TP53BP1: variants seen among roughly 807,000 people sequenced by gnomAD.
The protein encoded by TP53BP1 is TP53-binding protein 1.
In TP53BP1, 61 loss-of-function variants were observed where a neutral mutation model predicts 200.8. The observed-to-expected ratio is 0.30, with a 90% CI of 0.25 to 0.38. The LOEUF is 0.38. Among genes scored for constraint, TP53BP1 ranks in the 10% least tolerant of loss-of-function variants. TP53BP1 has a pLI of 1.00. For missense variants in TP53BP1, 2,144 were observed against 2,371.9 expected, an observed-to-expected ratio of 0.90 and a Z score of 2.00; for synonymous variants, 822 against 844.3, an observed-to-expected ratio of 0.97 and a Z score of 0.46.
intron 4 of TP53BP1, among the ~76,000 whole-genome samples, chr15:43,484,634 C>T (rs749234705): frequency 6.6e-6 from 1 of 152,328 alleles, no homozygotes; most frequent in Non-Finnish European, 1.5e-5. Context: ...CCACACTAAC[C>T]TCCCTGCTAT....
In TP53BP1 at chr15:43,456,456, A is replaced by G. The variant is rs1331604488; in HGVS notation, c.2152T>C (p.Ser718Pro). 7.6e-6 allele frequency: 12 copies of G among 1,568,720 alleles called. No individual in the cohort carries two copies. Among genetic ancestry groups the G allele is most frequent in the South Asian group, 1.2e-5 (1 of 81,332 alleles). The part of the protein sequence containing the change: ...LQKEMPKKEC[S>P]EAMEVETSVI... The stretch of plus-strand genomic sequence containing the variant: ...CTGGTTTCAACTTCCATAGCTTCTG[A>G]GCATTCTTTTTTTGGCATTTCCTTT... Residue 718 changes from serine (S) to proline (P), a missense_variant, in exon 12 of 28, where the codon TCA (serine) becomes CCA (proline). Physicochemically the swap from Ser to Pro is moderately conservative, Grantham distance 74. Coordinates refer to ENST00000382044, the MANE Select transcript of TP53BP1 (RefSeq NM_001141980.3).
intron 9 of TP53BP1, among the ~76,000 whole-genome samples, chr15:43,475,214 C>T (rs746913878): frequency 2.0e-5 from 3 of 152,130 alleles, no homozygotes; most frequent in Non-Finnish European, 4.4e-5. Flanking sequence ...ATAAAGAAAT[C>T]CAACTACTGT....
rs1222651230 is a variant in TP53BP1 at position 43,409,744 on chromosome 15, A to G, written c.5306-3T>C. The G allele has an allele frequency of 6.9e-6, 10 of 1,452,198 alleles. No homozygotes were observed. Among genetic ancestry groups the G allele is most frequent in the Non-Finnish European group, 9.3e-6 (10 of 1,071,208 alleles). 90.0% of individuals were successfully genotyped at this position (1,452,198 alleles called of 1,614,324 possible). On this transcript the variant is annotated splice_polypyrimidine_tract_variant and splice_region_variant and intron_variant, in intron 24 of 27. Coordinates refer to ENST00000382044, the MANE Select transcript of TP53BP1 (RefSeq NM_001141980.3). ...GAAAGGAGGAATTTCCAAAAATTCT[A>G]TATTAAAAAAAAAAACCAAGATAAT...
chr15:43,435,267 CAA>C (rs377275791), intron 16 of TP53BP1, among the ~76,000 whole-genome samples: 4 of 55,692 alleles, frequency 7.2e-5, no homozygotes, highest in African/African-American at 1.7e-4. Context: ...GACCCCATCT[CAA>C]AAAAAAAAAA....
chr15:43,408,910 T>G lies in TP53BP1; in HGVS notation c.5587A>C (p.Arg1863=). 6.2e-7 allele frequency: 1 copy of G among 1,614,186 alleles called. No homozygotes were observed. ...TCAAATACTTACCAGTCCAGAATTC[T>G]TTGCTCCTCAAGGCTGTACCCAGCT... ...LPAGYSLEEQ[R]ILDWQPRENP... Residue 1863 remains arginine (R), a synonymous_variant, in exon 26 of 28, where the codon AGA becomes CGA. Coordinates refer to ENST00000382044, the MANE Select transcript of TP53BP1 (RefSeq NM_001141980.3).
intron 11 of TP53BP1, 107 bp downstream of exon 11, chr15:43,469,751 A>G (rs1377662698): frequency 1.0e-6 from 1 of 980,950 alleles, no homozygotes; most frequent in African/African-American, 1.6e-5. Context: ...AAATATCACA[A>G]AATTATACAT....
At position 43,481,124 on chromosome 15, in the gene TP53BP1, C is replaced by A. The variant is rs905561592; in HGVS notation, c.372-102G>T. On this transcript the variant is annotated intron_variant, in intron 4 of 27. Coordinates refer to ENST00000382044, the MANE Select transcript of TP53BP1 (RefSeq NM_001141980.3). ...ACATACCAACCATCTCTTAGCCAAA[C>A]TTGAAAAAGTAAAATACCTCACCTT... 2.2e-6 allele frequency: 3 copies of A among 1,388,872 alleles called. No homozygotes were observed. In the African/African-American group the frequency reaches 4.3e-5, roughly 20 times the overall value. 86.0% of individuals were successfully genotyped at this position (1,388,872 alleles called of 1,614,324 possible). A position where few individuals can be genotyped will look rare whatever the true frequency, so the allele number is the denominator to read the frequency against.
intron 10 of TP53BP1, among the ~76,000 whole-genome samples, chr15:43,473,406 C>T (rs547052691): frequency 5.3e-5 from 8 of 152,214 alleles, no homozygotes; most frequent in South Asian, 2.1e-4. Context: ...AGGTTCTCCA[C>T]GTCCCCACCA....
At chr15:43,467,707 T>G (rs764821421) in intron 11 of TP53BP1, among the ~76,000 whole-genome samples, 2 of 152,102 alleles carry the variant, frequency 1.3e-5, no homozygotes, top group Non-Finnish European at 2.9e-5. Context: ...CTGATAAACA[T>G]CTGTAACCAT....
intron 16 of TP53BP1, among the ~76,000 whole-genome samples, chr15:43,435,491 T>C (rs190562430): frequency 6.6e-6 from 1 of 152,134 alleles, no homozygotes; most frequent in African/African-American, 2.4e-5. Flanking sequence ...AGCAAGGCAA[T>C]ACAATGACAT....
chr15:43,505,606 C>T (rs1199780641), intron 1 of TP53BP1, among the ~76,000 whole-genome samples: 3 of 152,068 alleles, frequency 2.0e-5, no homozygotes, highest in African/African-American at 7.2e-5. Flanking sequence ...GAAGGTAAAC[C>T]CAGTCCCATT....
chr15:43,407,414 G>T lies in TP53BP1; in HGVS notation c.5903C>A (p.Pro1968Gln), dbSNP rs2044941485. Residue 1968 changes from proline to glutamine, a missense_variant, in exon 28 of 28, where the codon CCA becomes CAA. This residue lies in a region of TP53BP1 where 334 missense variants were observed against 453.4 expected (regional missense o/e 0.74). Coordinates refer to ENST00000382044, the MANE Select transcript of TP53BP1 (RefSeq NM_001141980.3). ...AGAAACATAATCGTGTTTATATTTT[G>T]GATGCTGCTTGAATCCAATTCTCTC... Reference protein sequence around the residue: ...VGERIGFKQHPKYKHDYVSH With the variant: ...VGERIGFKQHQKYKHDYVSH The T allele has an allele frequency of 6.2e-7, 1 of 1,614,024 alleles. No individual in the cohort carries two copies.
At chr15:43,492,982 C>G in intron 1 of TP53BP1, 55 bp downstream of exon 1, 3 of 1,602,558 alleles carry the variant, frequency 1.9e-6, no homozygotes, top group South Asian at 2.2e-5. Flanking sequence ...TCCCTTCAGA[C>G]CCGAAATCCA....
chr15:43,496,767 G>T (rs1044826551), upstream of TP53BP1, among the ~76,000 whole-genome samples: 1 of 151,950 alleles, frequency 6.6e-6, no homozygotes, highest in African/African-American at 2.4e-5. Flanking sequence ...AGGATTACAG[G>T]CATGTGCAAC....
chr15:43,429,754 C>A (rs1453628339), intron 17 of TP53BP1, among the ~76,000 whole-genome samples: 2 of 152,212 alleles, frequency 1.3e-5, no homozygotes, highest in Non-Finnish European at 2.9e-5. Context: ...TACTTCTACA[C>A]AGACACAACT....
rs149165101 is a variant in TP53BP1, at chr15:43,484,749, G to GTT, written c.372-3729_372-3728dup. On this transcript the variant is annotated intron_variant, in intron 4 of 27. Transcript: ENST00000382044. ...GATAACAGCAAATACACACTTACTT[G>GTT]TTTTTTGTTTTTTTTTTTTAAGATA... 4.1e-3 allele frequency among the ~76,000 whole-genome samples: 545 copies of GTT among 131,606 alleles called. 3 individuals carry two copies. The highest frequency in any genetic ancestry group is 0.021 in the African/African-American group (524 of 25,278). 86.3% of individuals were successfully genotyped at this position (131,606 alleles called of 152,430 possible).
At position 43,419,718 on chromosome 15, in the gene TP53BP1, C is replaced by T. The variant is rs142451074; in HGVS notation, c.4681+587G>A. The stretch of plus-strand genomic sequence containing the variant: ...TTATTTTTAAAATATCCCATAACTC[C>T]AGTCTAATGAGAAAATATTAGACAA... On this transcript the variant is annotated intron_variant, in intron 21 of 27. Coordinates refer to ENST00000382044, the MANE Select transcript of TP53BP1 (RefSeq NM_001141980.3). Among the ~76,000 whole-genome samples, 69 of 152,000 alleles carry T rather than the reference C, an allele frequency of 4.5e-4. 2 individuals carry two copies. In the East Asian group the frequency reaches 0.013, roughly 29 times the overall value.
intron 19 of TP53BP1, 30 bp from the exon 20 acceptor site, chr15:43,421,204 G>C: frequency 6.2e-7 from 1 of 1,610,556 alleles, no homozygotes; most frequent in Non-Finnish European, 8.5e-7. Flanking sequence ...TAGTCTGATA[G>C]CACCTGCTAC....
chr15:43,497,247 G>C (rs552190546), upstream of TP53BP1, among the ~76,000 whole-genome samples: 9 of 152,242 alleles, frequency 5.9e-5, 1 homozygote, highest in South Asian at 1.9e-3. Flanking sequence ...TACAATGGTG[G>C]TGTGCACCTG....
Sources: gnomAD v4.1 joint callset for allele counts (sites outside exome capture counted in the v4.1 genomes callset) on GRCh38, gnomAD v4.1.1 for gene constraint, gnomAD v4.1.1 regional missense constraint, MANE v1.5 for transcripts, NCBI Gene and HGNC (gene_info 2026-07-23, HGNC 2026-07-21) for gene names.